Variants in EEA1 observed in about 807,000 individuals in gnomAD.
EEA1 encodes the protein early endosome antigen 1, also known as early endosome antigen 1, 162kD.
EEA1 carries 111 observed loss-of-function variants against 209.2 expected under a neutral mutation model. That is an observed-to-expected ratio of 0.53 (90% CI 0.45 to 0.62). The LOEUF (loss-of-function observed/expected upper bound fraction) is 0.62, where lower values mean the gene tolerates loss of function less well. Among genes scored for constraint, EEA1 ranks in the 20% least tolerant of loss-of-function variants. The pLI, the probability that EEA1 is intolerant of heterozygous loss-of-function variation, is 0.00. For synonymous variants in EEA1, 536 were observed against 540.6 expected, an observed-to-expected ratio of 0.99 and a Z score of 0.12; for missense variants, 1,343 against 1,530.8, an observed-to-expected ratio of 0.88 and a Z score of 2.05.
At chr12:92,779,374 A>G in intron 24 of EEA1, 74 bp from the exon 25 acceptor site, 2 of 1,321,094 alleles carry the variant, frequency 1.5e-6, no homozygotes, top group Non-Finnish European at 2.0e-6. Context: ...AAATTTATGC[A>G]ATTTATCACA....
intron 10 of EEA1, 71 bp downstream of exon 10, chr12:92,842,394 A>G: frequency 2.5e-6 from 2 of 790,282 alleles, no homozygotes; most frequent in Non-Finnish European, 4.1e-6. Context: ...TATATTTTTT[A>G]AAGTATGTAA....
rs576116798 is a variant in EEA1, at chr12:92,815,906, C to T, written c.1929+294G>A. 4.6e-5 allele frequency among the ~76,000 whole-genome samples: 7 copies of T among 150,612 alleles called. No individual in the cohort carries two copies. The South Asian group carries it at 8.4e-4, about 18-fold the overall frequency. Reference sequence around the variant, plus strand: ...AGGTGTAGCTTGAGGACAGAGAGAGCGCACCTGAGAGCAAGAGCCAGAGAC... The same window carrying T: ...AGGTGTAGCTTGAGGACAGAGAGAGTGCACCTGAGAGCAAGAGCCAGAGAC... On this transcript the variant is annotated intron_variant, in intron 15 of 28. Transcript: ENST00000322349.
At chr12:92,922,673 C>T (rs1050758263) in intron 1 of EEA1, among the ~76,000 whole-genome samples, 5 of 152,172 alleles carry the variant, frequency 3.3e-5, no homozygotes, top group South Asian at 2.1e-4. Flanking sequence ...TCTACCCTGG[C>T]GGGGTGCGGT....
intron 2 of EEA1, among the ~76,000 whole-genome samples, chr12:92,885,425 C>T (rs953841595): frequency 6.6e-6 from 1 of 152,150 alleles, no homozygotes; most frequent in African/African-American, 2.4e-5. Context: ...AGGAAACAAA[C>T]CTCAGAGAGA....
intron 9 of EEA1, among the ~76,000 whole-genome samples, chr12:92,846,128 T>C (rs1489429851): frequency 2.6e-5 from 4 of 152,198 alleles, no homozygotes; most frequent in Non-Finnish European, 5.9e-5. Context: ...AAGCTATGCA[T>C]GATTAGCAAA....
intron 2 of EEA1, among the ~76,000 whole-genome samples, chr12:92,873,456 A>G (rs1864098030): frequency 6.6e-6 from 1 of 152,216 alleles, no homozygotes; most frequent in South Asian, 2.1e-4. Context: ...ATTTCAGGTG[A>G]AACTATTGTG....
chr12:92,778,266 C>T, intron 25 of EEA1, 87 bp from the exon 26 acceptor site: 1 of 1,039,146 alleles, frequency 9.6e-7, no homozygotes, highest in Non-Finnish European at 1.4e-6. Flanking sequence ...AAAATACTGG[C>T]AATTTGCTTC....
intron 13 of EEA1, 61 bp from the exon 14 acceptor site, chr12:92,819,572 C>T: frequency 8.7e-7 from 1 of 1,153,812 alleles, no homozygotes; most frequent in Non-Finnish European, 1.2e-6. Flanking sequence ...ATTCCTCAAA[C>T]ATAAAATGAC....
At chr12:92,808,481 T>A (rs966250845) in intron 18 of EEA1, among the ~76,000 whole-genome samples, 14 of 151,388 alleles carry the variant, frequency 9.2e-5, no homozygotes, top group East Asian at 3.9e-4. Context: ...TGAGGTTATT[T>A]TTTTTTTTTT....
chr12:92,805,994 T>G (rs1875183734), intron 18 of EEA1, among the ~76,000 whole-genome samples: 1 of 152,200 alleles, frequency 6.6e-6, no homozygotes, highest in Admixed American at 6.5e-5. Flanking sequence ...TACACTGATT[T>G]TATTAGAATA....
rs76669090 is a variant in EEA1, at chr12:92,826,807, G to T, written c.1405-522C>A. Reference sequence around the variant, plus strand: ...TAAAGAAAGTATTTTCTATAAATAGGCTTATCCTAAAAAAACTTTCTCCAG... The same window carrying T: ...TAAAGAAAGTATTTTCTATAAATAGTCTTATCCTAAAAAAACTTTCTCCAG... On this transcript the variant is annotated intron_variant, in intron 12 of 28. Transcript: ENST00000322349. Among the ~76,000 whole-genome samples, 650 of 151,822 alleles carry T rather than the reference G, an allele frequency of 4.3e-3. 10 individuals are homozygous for T. Among genetic ancestry groups the T allele is most frequent in the Admixed American group, 0.036 (553 of 15,256 alleles).
At position 92,922,908 on chromosome 12, in the gene EEA1, A is replaced by G. The variant is rs918330162; in HGVS notation, c.24+6135T>C. ...GGGAGGCAGAGGTTGCAGTGAGCTG[A>G]GATTGCACCATTACACTTCAGCCTG... On this transcript the variant is annotated intron_variant, in intron 1 of 28. Coordinates refer to ENST00000322349, the MANE Select transcript of EEA1 (RefSeq NM_003566.4). Among the ~76,000 whole-genome samples the G allele has an allele frequency of 9.6e-4, 146 of 151,792 alleles. 1 individual carries two copies. Among genetic ancestry groups the G allele is most frequent in the African/African-American group, 3.4e-3 (142 of 41,354 alleles).
chr12:92,922,810 T>A (rs1464125211), intron 1 of EEA1, among the ~76,000 whole-genome samples: 1 of 151,130 alleles, frequency 6.6e-6, no homozygotes, highest in Non-Finnish European at 1.5e-5. Context: ...AAAAAAAAAT[T>A]AGCTGGGAGT....
intron 2 of EEA1, among the ~76,000 whole-genome samples, chr12:92,888,144 CA>C (rs754985386): frequency 1.3e-4 from 19 of 149,282 alleles, no homozygotes; most frequent in South Asian, 2.1e-4. Flanking sequence ...AATGTGCTGA[CA>C]AAAAAAAAGG....
At chr12:92,860,778 G>A (rs1878110788) in intron 3 of EEA1, among the ~76,000 whole-genome samples, 1 of 151,968 alleles carries the variant, frequency 6.6e-6, no homozygotes, top group South Asian at 2.1e-4. Context: ...CTTGCCCTAA[G>A]CAGAAAGTGC....
intron 1 of EEA1, chr12:92,905,746 G>T (rs1880356074): frequency 6.6e-6 from 1 of 152,080 alleles, no homozygotes; most frequent in Non-Finnish European, 1.5e-5. Flanking sequence ...ATTTGAGAAA[G>T]AACAGCACTT....
intron 10 of EEA1, among the ~76,000 whole-genome samples, chr12:92,839,099 A>T (rs1430514131): frequency 6.6e-6 from 1 of 152,232 alleles, no homozygotes; most frequent in Non-Finnish European, 1.5e-5. Flanking sequence ...CATGAGCTTG[A>T]CAGCTTCCTC....
Position 92,816,386 on chromosome 12 carries a change from T to A in EEA1, c.1743A>T (p.Thr581=). ...TTTCTGACTGATTCTTCAGCTTCTC[T>A]GTTAGTTGAGTTACCTGTTATACAA... ...HTLQEQVTQL[T]EKLKNQSESH... The change falls in exon 15 of 29, where the codon ACA becomes ACT. Residue 581 remains threonine (T), a synonymous_variant. Coordinates refer to ENST00000322349, the MANE Select transcript of EEA1 (RefSeq NM_003566.4). 1 of 1,613,810 alleles carries A rather than the reference T, an allele frequency of 6.2e-7. No individual in the cohort carries two copies. Among genetic ancestry groups the A allele is most frequent in the East Asian group, 2.2e-5 (1 of 44,848 alleles).
chr12:92,816,426 G>T, intron 14 of EEA1, 26 bp from the exon 15 acceptor site: 1 of 1,599,212 alleles, frequency 6.3e-7, no homozygotes. Context: ...GACTAATCGT[G>T]AAGTTCACAA....
Sources: allele counts gnomAD v4.1 joint callset (sites outside exome capture counted in the v4.1 genomes callset), GRCh38; gene constraint gnomAD v4.1.1; transcripts MANE v1.5; gene names NCBI Gene and HGNC (gene_info 2026-07-23, HGNC 2026-07-21).